The following DGKI variants were observed in gnomAD, a reference collection of about 807,000 sequenced individuals.
DGKI encodes the protein diacylglycerol kinase iota.
A neutral mutation model predicts 147.5 loss-of-function variants in DGKI; 55 were observed. The observed-to-expected ratio is 0.37, with a 90% confidence interval of 0.30 to 0.47. The LOEUF (loss-of-function observed/expected upper bound fraction) is 0.47. Among genes scored for constraint, DGKI ranks in the 20% least tolerant of loss-of-function variants. The pLI, the probability that DGKI is intolerant of heterozygous loss-of-function variation, is 1.00. For synonymous variants in DGKI, 469 were observed against 477.1 expected (o/e 0.98, Z 0.22); for missense variants, 1,007 against 1,323.8 (o/e 0.76, Z 3.71).
intron 20 of DGKI, among the ~76,000 whole-genome samples, chr7:137,551,787 C>T (rs985605685): frequency 1.3e-5 from 2 of 152,132 alleles, no homozygotes; most frequent in Non-Finnish European, 2.9e-5. Context: ...AAGAGTGGGT[C>T]AGGCTATGTC....
intron 5 of DGKI, among the ~76,000 whole-genome samples, chr7:137,647,869 G>A (rs1821884774): frequency 6.6e-6 from 1 of 152,184 alleles, no homozygotes; most frequent in African/African-American, 2.4e-5. Flanking sequence ...CATTATCAGA[G>A]GGCTTGACTT....
At chr7:137,812,396 G>A (rs148066131) in intron 1 of DGKI, among the ~76,000 whole-genome samples, 205 of 152,192 alleles carry the variant, frequency 1.3e-3, no homozygotes, top group African/African-American at 4.6e-3. Context: ...CTATAAAGAC[G>A]GGAGGCATTT....
At chr7:137,594,442 TA>T (rs1372038097) in intron 12 of DGKI, among the ~76,000 whole-genome samples, 11 of 152,188 alleles carry the variant, frequency 7.2e-5, no homozygotes, top group African/African-American at 2.4e-4. Context: ...ATACCTTAAA[TA>T]ATACTTTCTA....
intron 1 of DGKI, among the ~76,000 whole-genome samples, chr7:137,830,146 C>G (rs1416473053): frequency 6.6e-6 from 1 of 152,196 alleles, no homozygotes; most frequent in Non-Finnish European, 1.5e-5. Context: ...CTAAGCAAAA[C>G]TTTGGAAATA....
At chr7:137,561,177 G>A (rs1405120192) in intron 19 of DGKI, among the ~76,000 whole-genome samples, 1 of 151,602 alleles carries the variant, frequency 6.6e-6, no homozygotes, top group East Asian at 1.9e-4. Context: ...AACTGCCTAG[G>A]TGTCCAACAA....
chr7:137,472,020 TA>T (rs1351773213), intron 23 of DGKI, among the ~76,000 whole-genome samples: 3 of 133,900 alleles, frequency 2.2e-5, no homozygotes, highest in Non-Finnish European at 4.6e-5. Flanking sequence ...CATATATACA[TA>T]TATATTATAT....
At chr7:137,619,993 G>T in intron 7 of DGKI, 53 bp from the exon 8 acceptor site, 1 of 1,191,212 alleles carries the variant, frequency 8.4e-7, no homozygotes, top group East Asian at 2.4e-5. Flanking sequence ...TAATGCTGCA[G>T]CAAGAAGGGA....
At chr7:137,683,502 A>C (rs1208295297) in intron 2 of DGKI, among the ~76,000 whole-genome samples, 3 of 152,138 alleles carry the variant, frequency 2.0e-5, no homozygotes, top group Non-Finnish European at 4.4e-5. Context: ...CAGCCTCCTG[A>C]GTAGCTGCAT....
intron 1 of DGKI, among the ~76,000 whole-genome samples, chr7:137,813,253 T>C (rs567423536): frequency 1.4e-4 from 21 of 152,324 alleles, no homozygotes; most frequent in Admixed American, 7.8e-4. Context: ...TCACTTCTCC[T>C]GGGTCACATC....
intron 27 of DGKI, among the ~76,000 whole-genome samples, chr7:137,462,098 TTA>T (rs10559820): frequency 0.14 from 20,562 of 151,122 alleles, 3,055 homozygotes; most frequent in African/African-American, 0.38. Context: ...TGGAAACAGA[TTA>T]TATATATATA....
At position 137,846,120 on chromosome 7, in the gene DGKI, TTCTC is replaced by T. The variant is rs1385320356; in HGVS notation, c.401+338_401+341del. On this transcript the variant is annotated intron_variant, in intron 1 of 32. Coordinates refer to ENST00000614521, the MANE Select transcript of DGKI (RefSeq NM_001321708.2). This position sits in a 1 kb window ranked among gnomAD's most constrained non-coding sequence, Gnocchi z 4.0. Reference sequence around the variant, plus strand: ...TAAGCATCACTGAGTCTGCAACCCTTTCTCTCTCTCTCTTTCTCTCTCTCTCTCT... The same window carrying T: ...TAAGCATCACTGAGTCTGCAACCCTTTCTCTCTCTTTCTCTCTCTCTCTCT... Among the ~76,000 whole-genome samples, 108 of 40,006 alleles carry T rather than the reference TTCTC, an allele frequency of 2.7e-3. No individual in the cohort carries two copies. Among genetic ancestry groups the T allele is most frequent in the African/African-American group, 8.2e-3 (97 of 11,800 alleles). The allele number at this position is 40,006 out of a possible 152,430, so 26.2% of individuals were successfully genotyped here.
rs114279413 is a variant in DGKI at position 137,520,745 on chromosome 7, G to A, written c.2248+1121C>T. On this transcript the variant is annotated intron_variant, in intron 21 of 32. Transcript: ENST00000614521. ...TACCAGGGATATGGCTCCTCACCTC[G>A]TGGCAACTCCAGATTGTAGAACCCT... Among the ~76,000 whole-genome samples the A allele has an allele frequency of 5.3e-3, 801 of 152,052 alleles. 7 individuals carry two copies. The highest frequency in any genetic ancestry group is 0.018 in the African/African-American group (764 of 41,500).
At chr7:137,696,144 C>T (rs1435388638) in intron 1 of DGKI, among the ~76,000 whole-genome samples, 2 of 152,298 alleles carry the variant, frequency 1.3e-5, no homozygotes, top group Middle Eastern at 3.4e-3. Context: ...TCCCTGGACA[C>T]TTCTGTTCAT....
chr7:137,796,710 G>A (rs1287321499), intron 1 of DGKI, among the ~76,000 whole-genome samples: 3 of 151,938 alleles, frequency 2.0e-5, no homozygotes, highest in Non-Finnish European at 4.4e-5. Context: ...ACAACTATGC[G>A]GACAGAAGAA....
At chr7:137,796,079 A>G (rs1797016349) in intron 1 of DGKI, among the ~76,000 whole-genome samples, 1 of 152,236 alleles carries the variant, frequency 6.6e-6, no homozygotes, top group African/African-American at 2.4e-5. Context: ...CCAGTTTTCA[A>G]CAACAACAAA....
At chr7:137,589,376 TG>T in intron 12 of DGKI, among the ~76,000 whole-genome samples, 1 of 152,366 alleles carries the variant, frequency 6.6e-6, no homozygotes. Flanking sequence ...TCACCCAATG[TG>T]GTAACTAAAA....
chr7:137,596,398 G>T (rs936399439), intron 12 of DGKI, among the ~76,000 whole-genome samples: 6 of 152,134 alleles, frequency 3.9e-5, no homozygotes, highest in Admixed American at 3.3e-4. Context: ...GGATGCTTGA[G>T]TTAGGAAGAA....
At position 137,552,302 on chromosome 7, in the gene DGKI, G is replaced by C. The variant is rs975410358; in HGVS notation, c.2147+67C>G. On this transcript the variant is annotated intron_variant, in intron 20 of 32. Transcript: ENST00000614521. ...CAACACAGTGAGGTCCCCAGACCAT[G>C]CACATGCTCTGCACTCTCCTCTCCA... The C allele has an allele frequency of 1.9e-5, 29 of 1,556,092 alleles. No homozygotes were observed. In the African/African-American group the frequency reaches 2.2e-4, roughly 12 times the overall value.
chr7:137,508,179 T>A (rs1036517972), intron 21 of DGKI, among the ~76,000 whole-genome samples: 2 of 151,830 alleles, frequency 1.3e-5, no homozygotes, highest in African/African-American at 4.8e-5. Context: ...CAAAACAGCC[T>A]TCATGTTTCC....
Sources: gnomAD v4.1 joint callset for allele counts (sites outside exome capture counted in the v4.1 genomes callset) on GRCh38, gnomAD v4.1.1 for gene constraint, Gnocchi (gnomAD v3.1) non-coding constraint, MANE v1.5 for transcripts, NCBI Gene and HGNC (gene_info 2026-07-23, HGNC 2026-07-21) for gene names.